The following ADAP2 variants were observed in gnomAD, a reference collection of about 807,000 sequenced individuals.
The protein encoded by ADAP2 is arf-GAP with dual PH domain-containing protein 2.
In ADAP2, 42 loss-of-function variants were observed where a neutral mutation model predicts 54.9. The observed-to-expected ratio is 0.77, with a 90% confidence interval of 0.60 to 0.99. The LOEUF (loss-of-function observed/expected upper bound fraction) is 0.99, where lower values mean the gene tolerates loss of function less well. Ranked by LOEUF, ADAP2 falls within the 50% of genes least tolerant of loss-of-function variation. The probability of loss-of-function intolerance (pLI) is 0.00; values close to 1 mark genes in which losing one functional copy is unlikely to be tolerated. For missense variants in ADAP2, 429 were observed against 480.4 expected (o/e 0.89, Z 1.00); for synonymous variants, 177 against 180.1 (o/e 0.98, Z 0.14).
chr17:30,948,023 G>T (rs1323657834), intron 6 of ADAP2, among the ~76,000 whole-genome samples: 1 of 152,160 alleles, frequency 6.6e-6, no homozygotes, highest in Non-Finnish European at 1.5e-5. Context: ...GGCTGAGCAA[G>T]CACCAAAAAT....
intron 5 of ADAP2, among the ~76,000 whole-genome samples, chr17:30,943,008 A>G (rs1567721674): frequency 6.6e-6 from 1 of 152,250 alleles, no homozygotes; most frequent in Non-Finnish European, 1.5e-5. Flanking sequence ...CAAAGAACTT[A>G]AAACAGAACT....
intron 2 of ADAP2, among the ~76,000 whole-genome samples, chr17:30,924,460 T>A (rs1462299811): frequency 1.3e-5 from 2 of 152,066 alleles, no homozygotes; most frequent in African/African-American, 2.4e-5. Context: ...AGTCCTCCTT[T>A]CCCCCTAGGC....
In ADAP2 at chr17:30,958,914, A is replaced by G. The variant is rs1354118709; in HGVS notation, c.*1045A>G. On this transcript the variant is annotated 3_prime_UTR_variant, in exon 11 of 11. Transcript: ENST00000330889. ...AAAAAAAAAAAAATCTATGCATTGT[A>G]TGGGACTTTCCTTTGGATCCCCCAA... 1 of 151,824 alleles carries G rather than the reference A, an allele frequency of 6.6e-6. No individual in the cohort carries two copies. 9.4% of individuals were successfully genotyped at this position (151,824 alleles called of 1,614,324 possible). A position where few individuals can be genotyped will look rare whatever the true frequency, so the allele number is the denominator to read the frequency against.
chr17:30,937,232 T>C (rs1911955123), intron 5 of ADAP2, among the ~76,000 whole-genome samples: 2 of 150,750 alleles, frequency 1.3e-5, no homozygotes, highest in African/African-American at 4.9e-5. Flanking sequence ...CCTATTTATT[T>C]ATTTTTTGAG....
At chr17:30,949,604 C>G (rs1904451593) in intron 7 of ADAP2, among the ~76,000 whole-genome samples, 1 of 151,996 alleles carries the variant, frequency 6.6e-6, no homozygotes. Context: ...AAAAAATTAG[C>G]CAGGTGTGGT....
At position 30,933,643 on chromosome 17, in the gene ADAP2, G is replaced by C. The variant is rs188905251; in HGVS notation, c.398-542G>C. Among the ~76,000 whole-genome samples, 250 of 152,334 alleles carry C rather than the reference G, an allele frequency of 1.6e-3. 3 individuals carry two copies. The highest frequency in any genetic ancestry group is 6.6e-4 in the Non-Finnish European group (45 of 68,044). The stretch of plus-strand genomic sequence containing the variant: ...GCCTCCTGAGTAGCTGGGATTACAG[G>C]CACGCGCCACCATGCCCAGCTAATT... On this transcript the variant is annotated intron_variant, in intron 4 of 10. Coordinates refer to ENST00000330889, the MANE Select transcript of ADAP2 (RefSeq NM_018404.3).
chr17:30,925,740 C>T (rs1054522381), intron 2 of ADAP2, among the ~76,000 whole-genome samples: 2 of 151,694 alleles, frequency 1.3e-5, no homozygotes, highest in African/African-American at 4.8e-5. Context: ...GGATTACAGG[C>T]GTGCACCACC....
chr17:30,942,227 A>G (rs1912325885), intron 5 of ADAP2, among the ~76,000 whole-genome samples: 1 of 152,082 alleles, frequency 6.6e-6, no homozygotes. Context: ...GGTACACTTT[A>G]TTGTTTCTAA....
At chr17:30,945,491 C>T (rs569895946) in intron 6 of ADAP2, among the ~76,000 whole-genome samples, 1 of 152,288 alleles carries the variant, frequency 6.6e-6, no homozygotes, top group East Asian at 1.9e-4. Flanking sequence ...GTAGCTCCTG[C>T]CTGTAATCCC....
At chr17:30,941,761 A>G (rs901003612) in intron 5 of ADAP2, among the ~76,000 whole-genome samples, 8 of 152,184 alleles carry the variant, frequency 5.3e-5, no homozygotes, top group Non-Finnish European at 1.0e-4. Flanking sequence ...TAGAAGACAA[A>G]TAAGTGGTTA....
intron 6 of ADAP2, among the ~76,000 whole-genome samples, chr17:30,945,879 C>A (rs955325167): frequency 2.0e-5 from 3 of 149,296 alleles, no homozygotes; most frequent in South Asian, 2.1e-4. Context: ...AGAGGCCGGG[C>A]GCGGTGGCTC....
In ADAP2 at chr17:30,922,068, G is replaced by A. The variant is rs2232270; in HGVS notation, c.54G>A (p.Pro18=). The A allele has an allele frequency of 7.9e-7, 1 of 1,270,910 alleles. No homozygotes were observed. Among genetic ancestry groups the A allele is most frequent in the South Asian group, 2.9e-5 (1 of 34,878 alleles). The allele number at this position is 1,270,910 out of a possible 1,614,324, so 78.7% of individuals were successfully genotyped here. Residue 18 remains proline, a synonymous_variant, in exon 1 of 11, where the codon CCG becomes CCA. Coordinates refer to ENST00000330889, the MANE Select transcript of ADAP2 (RefSeq NM_018404.3). ...KKRLLELLRA[P]DTGNAHCADC... is the part of the protein sequence containing the mutation. Reference sequence around the variant, plus strand: ...GGCTGCTGGAGCTGCTGCGGGCGCCGGACACAGGCAACGCGCACTGCGCCG... The same window carrying A: ...GGCTGCTGGAGCTGCTGCGGGCGCCAGACACAGGCAACGCGCACTGCGCCG...
chr17:30,924,466 T>A (rs1051201272), intron 2 of ADAP2, among the ~76,000 whole-genome samples: 5 of 152,156 alleles, frequency 3.3e-5, no homozygotes, highest in Non-Finnish European at 5.9e-5. Flanking sequence ...CCTTTCCCCC[T>A]AGGCAGAAAG....
chr17:30,948,529 C>T (rs1254270404), intron 6 of ADAP2, among the ~76,000 whole-genome samples: 1 of 151,942 alleles, frequency 6.6e-6, no homozygotes, highest in Non-Finnish European at 1.5e-5. Flanking sequence ...AAGATCGCAC[C>T]ACTGCACACT....
At position 30,925,515 on chromosome 17, in the gene ADAP2, TTCC is replaced by T. The variant is rs1167348429; in HGVS notation, c.226-1300_226-1298del. Among the ~76,000 whole-genome samples the T allele has an allele frequency of 2.8e-3, 421 of 151,642 alleles. 1 individual carries two copies. Among genetic ancestry groups the T allele is most frequent in the African/African-American group, 9.7e-3 (403 of 41,412 alleles). On this transcript the variant is annotated intron_variant, in intron 2 of 10. Coordinates refer to ENST00000330889, the MANE Select transcript of ADAP2 (RefSeq NM_018404.3). ...CCTCTGTTATATTTCCTTCTTCTTC[TTCC>T]TCCTCCTCCTCTTCTTCTTCTTCCT...
At chr17:30,937,204 G>A (rs533063545) in intron 5 of ADAP2, among the ~76,000 whole-genome samples, 7 of 151,596 alleles carry the variant, frequency 4.6e-5, no homozygotes, top group African/African-American at 1.2e-4. Flanking sequence ...GATTACAGGC[G>A]TGAGCCACCG....
At chr17:30,926,781 G>GT (rs1567713941) in intron 2 of ADAP2, 46 bp from the exon 3 acceptor site, 2 of 1,557,024 alleles carry the variant, frequency 1.3e-6, no homozygotes, top group East Asian at 4.5e-5. Flanking sequence ...TTCATTTCAC[G>GT]TTTTTTCAAG....
At chr17:30,922,173 C>A (rs1910662060) in intron 1 of ADAP2, 65 bp downstream of exon 1, 3 of 1,132,360 alleles carry the variant, frequency 2.6e-6, no homozygotes, top group Non-Finnish European at 3.3e-6. Context: ...CCCGACTCCT[C>A]CCCTCGGCCC....
chr17:30,937,353 C>T (rs953827688), intron 5 of ADAP2, among the ~76,000 whole-genome samples: 4 of 152,096 alleles, frequency 2.6e-5, no homozygotes, highest in African/African-American at 9.7e-5. Context: ...TCCCCAGTAG[C>T]TGGGACTACA....
Sources: allele counts gnomAD v4.1 joint callset (sites outside exome capture counted in the v4.1 genomes callset), GRCh38; gene constraint gnomAD v4.1.1; transcripts MANE v1.5; gene names NCBI Gene and HGNC (gene_info 2026-07-23, HGNC 2026-07-21).